RORA: variants seen among roughly 807,000 people sequenced by gnomAD.
RORA encodes RAR related orphan receptor A, also known as nuclear receptor ROR-alpha.
A neutral mutation model predicts 69.5 loss-of-function variants in RORA; 7 were observed. The ratio of observed to expected loss-of-function variants is 0.10; its 90% CI spans 0.06 to 0.19. The LOEUF (loss-of-function observed/expected upper bound fraction) is 0.19, where lower values mean the gene tolerates loss of function less well. Among genes scored for constraint, RORA ranks in the 10% least tolerant of loss-of-function variants. The pLI is 1.00. For missense variants in RORA, 457 were observed against 663.0 expected, an observed-to-expected ratio of 0.69 and a Z score of 3.41; for synonymous variants, 261 against 240.8, an observed-to-expected ratio of 1.08 and a Z score of -0.78.
chr15:60,578,765 C>CTTTTTTT (rs768047660), intron 2 of RORA, among the ~76,000 whole-genome samples: 10 of 138,906 alleles, frequency 7.2e-5, no homozygotes, highest in South Asian at 7.0e-4. Flanking sequence ...TTAAATGAAA[C>CTTTTTTT]TTTTTTTTTT....
chr15:60,946,496 C>G (rs988321068), intron 1 of RORA, among the ~76,000 whole-genome samples: 7 of 152,250 alleles, frequency 4.6e-5, no homozygotes, highest in Non-Finnish European at 8.8e-5. Context: ...TCTCCAGCTC[C>G]TAACCGGGAG....
At chr15:61,074,053 C>T (rs2078410225) in intron 1 of RORA, among the ~76,000 whole-genome samples, 1 of 152,176 alleles carries the variant, frequency 6.6e-6, no homozygotes, top group East Asian at 1.9e-4. Flanking sequence ...TACTCAAGAA[C>T]AATGTCAACT....
chr15:60,880,581 G>A lies in RORA; in HGVS notation c.167-201895C>T, dbSNP rs532245453. ...TTGAACCCAGGAGGCGGAGGTTGCAGTGAGCCAAGATCATGCCACTGCACT... is the reference window on the plus strand; with the variant it reads ...TTGAACCCAGGAGGCGGAGGTTGCAATGAGCCAAGATCATGCCACTGCACT... On this transcript the variant is annotated intron_variant, in intron 1 of 10. Coordinates refer to ENST00000335670, the MANE Select transcript of RORA (RefSeq NM_134261.3). 3.9e-5 allele frequency among the ~76,000 whole-genome samples: 6 copies of A among 152,300 alleles called. No homozygotes were observed. The East Asian group carries it at 1.2e-3, about 29-fold the overall frequency.
intron 1 of RORA, among the ~76,000 whole-genome samples, chr15:60,968,478 C>A (rs1242193223): frequency 6.6e-6 from 1 of 152,156 alleles, no homozygotes; most frequent in Non-Finnish European, 1.5e-5. Flanking sequence ...TGAAAATGGG[C>A]TAATAGGGCC....
intron 2 of RORA, among the ~76,000 whole-genome samples, chr15:60,641,355 G>A (rs2069941461): frequency 6.6e-6 from 1 of 152,088 alleles, no homozygotes; most frequent in Non-Finnish European, 1.5e-5. Context: ...TACGTATAAT[G>A]GGATAAAAAT....
At chr15:60,830,677 T>C (rs2073030608) in intron 1 of RORA, among the ~76,000 whole-genome samples, 1 of 152,216 alleles carries the variant, frequency 6.6e-6, no homozygotes, top group Non-Finnish European at 1.5e-5. Context: ...CTGGATCTCA[T>C]CTCCAGCTTT....
At chr15:60,861,238 G>A (rs908976349) in intron 1 of RORA, among the ~76,000 whole-genome samples, 1 of 152,146 alleles carries the variant, frequency 6.6e-6, no homozygotes, top group Non-Finnish European at 1.5e-5. Context: ...AGACAGGAGA[G>A]GTGGCTTAAT....
chr15:60,995,107 T>C (rs1458072111), intron 1 of RORA, among the ~76,000 whole-genome samples: 6 of 152,130 alleles, frequency 3.9e-5, no homozygotes, highest in Non-Finnish European at 7.4e-5. Context: ...GAAAGAGGCA[T>C]GGCAGTGGAG....
chr15:60,845,036 A>AGTGTGT lies in RORA; in HGVS notation c.167-166356_167-166351dup, dbSNP rs3053882. Among the ~76,000 whole-genome samples the AGTGTGT allele has an allele frequency of 1.8e-3, 270 of 151,338 alleles. 3 individuals carry two copies. The East Asian group carries it at 0.041, about 23-fold the overall frequency. ...AAGACTTTGTGGGTGCCAGTGTGTG[A>AGTGTGT]GTGTGTGTGTGTGTGTCCTCACTAA... On this transcript the variant is annotated intron_variant, in intron 1 of 10. Coordinates refer to ENST00000335670, the MANE Select transcript of RORA (RefSeq NM_134261.3).
chr15:60,971,493 T>C (rs1045126405), intron 1 of RORA, among the ~76,000 whole-genome samples: 6 of 152,186 alleles, frequency 3.9e-5, no homozygotes, highest in Admixed American at 2.0e-4. Context: ...GATCCAGACA[T>C]ATCGTGCTTT....
intron 1 of RORA, among the ~76,000 whole-genome samples, chr15:61,046,947 G>A (rs1897056603): frequency 6.6e-6 from 1 of 152,188 alleles, no homozygotes; most frequent in Non-Finnish European, 1.5e-5. Context: ...CAAGCTCAAG[G>A]CCCTTCTTGG....
intron 1 of RORA, among the ~76,000 whole-genome samples, chr15:60,948,813 T>A (rs1242168017): frequency 1.3e-5 from 2 of 152,128 alleles, no homozygotes; most frequent in Non-Finnish European, 2.9e-5. Context: ...ACAAACCCAT[T>A]AAAGAACTAG....
chr15:61,143,185 C>A, intron 1 of RORA, among the ~76,000 whole-genome samples: 1 of 151,606 alleles, frequency 6.6e-6, no homozygotes. Flanking sequence ...TAAACAAAAG[C>A]CAATTAAATA....
At chr15:60,615,547 T>G (rs142327215) in intron 2 of RORA, among the ~76,000 whole-genome samples, 331 of 152,238 alleles carry the variant, frequency 2.2e-3, no homozygotes, top group Non-Finnish European at 2.0e-3. Flanking sequence ...ATAATGGGAT[T>G]TGCGTTTACC....
intron 1 of RORA, among the ~76,000 whole-genome samples, chr15:61,155,840 A>G (rs1447771997): frequency 6.6e-6 from 1 of 152,162 alleles, no homozygotes; most frequent in African/African-American, 2.4e-5. Context: ...ATACCTCAGA[A>G]CCACAGCTTT....
chr15:60,697,247 CTGCTTATGACTT>C (rs2070918509), intron 1 of RORA, among the ~76,000 whole-genome samples: 1 of 152,206 alleles, frequency 6.6e-6, no homozygotes, highest in East Asian at 1.9e-4. Context: ...AATGTTACCT[CTGCTTATGACTT>C]CCTTAAAAGA....
chr15:60,643,284 T>G (rs1392632057), intron 2 of RORA, among the ~76,000 whole-genome samples: 1 of 152,228 alleles, frequency 6.6e-6, no homozygotes, highest in Non-Finnish European at 1.5e-5. Context: ...CTCTGTCATG[T>G]GTGGAATATG....
At chr15:60,988,659 G>A (rs747335958) in intron 1 of RORA, among the ~76,000 whole-genome samples, 3 of 152,230 alleles carry the variant, frequency 2.0e-5, no homozygotes, top group Middle Eastern at 3.4e-3. Flanking sequence ...TGCTCCAAAC[G>A]CTGTAGCTGT....
chr15:61,104,998 C>CCT (rs910907489), intron 1 of RORA, among the ~76,000 whole-genome samples: 2 of 141,266 alleles, frequency 1.4e-5, no homozygotes, highest in African/African-American at 5.1e-5. Context: ...ATGAGGCGCC[C>CCT]CCCCCACCGC....
Sources: allele counts gnomAD v4.1 joint callset (sites outside exome capture counted in the v4.1 genomes callset), GRCh38; gene constraint gnomAD v4.1.1; transcripts MANE v1.5; gene names NCBI Gene and HGNC (gene_info 2026-07-23, HGNC 2026-07-21).